OXR1: variants seen among roughly 807,000 people sequenced by gnomAD.
The protein encoded by OXR1 is oxidation resistance protein 1.
In OXR1, 41 loss-of-function variants were observed where a neutral mutation model predicts 104.6. The ratio of observed to expected loss-of-function variants is 0.39; its 90% CI spans 0.31 to 0.51. The LOEUF is 0.51. OXR1 is among the 20% of genes least tolerant of loss of function. The pLI, the probability that OXR1 is intolerant of heterozygous loss-of-function variation, is 0.77. For missense variants in OXR1, 955 were observed against 1,031.9 expected, an observed-to-expected ratio of 0.93 and a Z score of 1.02; for synonymous variants, 348 against 348.4, an observed-to-expected ratio of 1.00 and a Z score of 0.01.
chr8:106,655,578 A>G (rs1824982359), intron 3 of OXR1, among the ~76,000 whole-genome samples: 1 of 152,210 alleles, frequency 6.6e-6, no homozygotes, highest in African/African-American at 2.4e-5. Context: ...TGTAGATTGA[A>G]GAGAAAAAGG....
intron 2 of OXR1, among the ~76,000 whole-genome samples, chr8:106,503,182 C>T (rs533451694): frequency 1.3e-5 from 2 of 152,132 alleles, no homozygotes; most frequent in Middle Eastern, 3.2e-3. Context: ...AAGGATGTCT[C>T]TCTTCCATTT....
At chr8:106,660,510 C>T (rs2131083399) in intron 3 of OXR1, among the ~76,000 whole-genome samples, 1 of 152,318 alleles carries the variant, frequency 6.6e-6, no homozygotes, top group East Asian at 1.9e-4. Flanking sequence ...TGTAAATTGA[C>T]TGCATTCCAG....
At chr8:106,419,720 T>C (rs1563513302) in intron 2 of OXR1, among the ~76,000 whole-genome samples, 1 of 152,186 alleles carries the variant, frequency 6.6e-6, no homozygotes, top group Non-Finnish European at 1.5e-5. Flanking sequence ...AGTAACTAAT[T>C]GGATTTTCTT....
intron 1 of OXR1, among the ~76,000 whole-genome samples, chr8:106,291,883 T>C (rs1043575269): frequency 1.3e-5 from 2 of 152,126 alleles, no homozygotes; most frequent in Admixed American, 6.5e-5. Context: ...GTGAGACTTA[T>C]TCACTACCAT....
intron 3 of OXR1, among the ~76,000 whole-genome samples, chr8:106,648,902 T>A (rs1824304497): frequency 6.6e-6 from 1 of 152,154 alleles, no homozygotes; most frequent in African/African-American, 2.4e-5. Context: ...GTAAAAATAT[T>A]TGTATAAAAC....
At chr8:106,692,116 A>G (rs1045748223) in intron 6 of OXR1, among the ~76,000 whole-genome samples, 1 of 151,702 alleles carries the variant, frequency 6.6e-6, no homozygotes, top group Non-Finnish European at 1.5e-5. Flanking sequence ...TTTTATTTTG[A>G]CCATTCCAAA....
At chr8:106,551,799 T>TAC (rs1324051471) in intron 3 of OXR1, among the ~76,000 whole-genome samples, 1 of 130,492 alleles carries the variant, frequency 7.7e-6, no homozygotes, top group Non-Finnish European at 1.6e-5. Flanking sequence ...CATATATATA[T>TAC]ATATATATAT....
chr8:106,595,243 A>G (rs911652353), intron 3 of OXR1, among the ~76,000 whole-genome samples: 7 of 152,166 alleles, frequency 4.6e-5, no homozygotes, highest in African/African-American at 1.7e-4. Context: ...TTAAAGAAGT[A>G]TCATTTCTCC....
At chr8:106,690,039 A>G (rs776963) in intron 6 of OXR1, among the ~76,000 whole-genome samples, 91,285 of 150,510 alleles carry the variant, frequency 0.61, 28,542 homozygotes, top group African/African-American at 0.76. Flanking sequence ...AAAATTAAAG[A>G]CACTAATATC....
chr8:106,426,582 A>C (rs2130550506), intron 2 of OXR1, among the ~76,000 whole-genome samples: 1 of 152,306 alleles, frequency 6.6e-6, no homozygotes, highest in East Asian at 1.9e-4. Context: ...TGATCAATTT[A>C]AAAGTATATA....
chr8:106,748,336 C>G (rs1320107359), intron 16 of OXR1, among the ~76,000 whole-genome samples: 1 of 152,102 alleles, frequency 6.6e-6, no homozygotes, highest in Non-Finnish European at 1.5e-5. Context: ...GTATCACAGA[C>G]TCTGGATTGT....
chr8:106,643,163 T>A (rs1440421296), intron 3 of OXR1, among the ~76,000 whole-genome samples: 1 of 152,138 alleles, frequency 6.6e-6, no homozygotes. Flanking sequence ...ATCCCAACAG[T>A]TTAGAATACA....
chr8:106,388,630 G>A (rs975737883), intron 2 of OXR1, among the ~76,000 whole-genome samples: 5 of 152,064 alleles, frequency 3.3e-5, no homozygotes, highest in Non-Finnish European at 7.4e-5. Flanking sequence ...CACTATGTTG[G>A]CCAGGCTGTT....
At chr8:106,278,695 A>C (rs187969513) in intron 1 of OXR1, among the ~76,000 whole-genome samples, 1 of 152,308 alleles carries the variant, frequency 6.6e-6, no homozygotes, top group Non-Finnish European at 1.5e-5. Flanking sequence ...ACTGGATGTC[A>C]TACATCACAT....
chr8:106,676,353 T>G (rs1827592502), intron 3 of OXR1, among the ~76,000 whole-genome samples: 1 of 152,146 alleles, frequency 6.6e-6, no homozygotes, highest in East Asian at 1.9e-4. Flanking sequence ...TGTCATGATG[T>G]TAGCTGGTTA....
rs1185897289 is a variant in OXR1, at chr8:106,694,753, AATAT to A, written c.675+1883_675+1886del. ...ATATTTATATATATATTTATATATT[AATAT>A]ATATATTTAATAGATAAATACATAT... On this transcript the variant is annotated intron_variant, in intron 7 of 16. Transcript: ENST00000517566. 1.2e-4 allele frequency among the ~76,000 whole-genome samples: 13 copies of A among 111,518 alleles called. 2 individuals carry two copies. The highest frequency in any genetic ancestry group is 4.2e-4 in the African/African-American group (12 of 28,260). 73.2% of individuals were successfully genotyped at this position (111,518 alleles called of 152,430 possible). A position where few individuals can be genotyped will look rare whatever the true frequency, so the allele number is the denominator to read the frequency against.
chr8:106,350,915 C>A (rs538561158), intron 1 of OXR1, among the ~76,000 whole-genome samples: 2 of 152,148 alleles, frequency 1.3e-5, no homozygotes, highest in African/African-American at 4.8e-5. Context: ...GAACTACATT[C>A]TGGATAAAAT....
At chr8:106,695,557 A>G (rs1007133982) in intron 7 of OXR1, among the ~76,000 whole-genome samples, 2 of 151,858 alleles carry the variant, frequency 1.3e-5, no homozygotes, top group African/African-American at 4.8e-5. Flanking sequence ...AGCTGGGACT[A>G]CAGGCACATG....
chr8:106,725,061 T>C (rs565397064), intron 11 of OXR1, among the ~76,000 whole-genome samples: 16 of 152,130 alleles, frequency 1.1e-4, no homozygotes, highest in Non-Finnish European at 1.9e-4. Flanking sequence ...GCACTGTATG[T>C]AGAAGAGAAC....
Sources: allele counts gnomAD v4.1 joint callset (sites outside exome capture counted in the v4.1 genomes callset), GRCh38; gene constraint gnomAD v4.1.1; transcripts MANE v1.5; gene names NCBI Gene and HGNC (gene_info 2026-07-23, HGNC 2026-07-21).